Variants in RFX3 observed in about 807,000 individuals in gnomAD.
RFX3 encodes the protein regulatory factor X3, also known as transcription factor RFX3.
In RFX3, 14 loss-of-function variants were observed where a neutral mutation model predicts 98.6. That is an observed-to-expected ratio of 0.14 (90% CI 0.09 to 0.22). The LOEUF (loss-of-function observed/expected upper bound fraction) is 0.22. Among genes scored for constraint, RFX3 ranks in the 10% least tolerant of loss-of-function variants. RFX3 has a pLI of 1.00. For synonymous variants in RFX3, 383 were observed against 328.4 expected (o/e 1.17, Z -1.80); for missense variants, 639 against 926.9 (o/e 0.69, Z 4.03).
chr9:3,489,671 A>G (rs896618642), intron 1 of RFX3, among the ~76,000 whole-genome samples: 1 of 152,212 alleles, frequency 6.6e-6, no homozygotes, highest in Non-Finnish European at 1.5e-5. Context: ...CTATGAAAAT[A>G]TATGTGGCAT....
At chr9:3,325,479 T>C (rs1296146834) in intron 4 of RFX3, among the ~76,000 whole-genome samples, 1 of 152,226 alleles carries the variant, frequency 6.6e-6, no homozygotes, top group East Asian at 1.9e-4. Flanking sequence ...TTGTGCCTCT[T>C]GGCTGGGATC....
At chr9:3,228,201 A>G (rs982180903) in intron 16 of RFX3, among the ~76,000 whole-genome samples, 37 of 152,202 alleles carry the variant, frequency 2.4e-4, no homozygotes, top group African/African-American at 8.9e-4. Context: ...GGTGGGTAAG[A>G]TTTGTGTGCT....
At chr9:3,260,396 A>G (rs1279167123) in intron 13 of RFX3, among the ~76,000 whole-genome samples, 1 of 152,054 alleles carries the variant, frequency 6.6e-6, no homozygotes, top group African/African-American at 2.4e-5. Context: ...AATGCTTATA[A>G]CCAGGGAAGA....
intron 4 of RFX3, among the ~76,000 whole-genome samples, chr9:3,329,125 C>T (rs1832275204): frequency 6.6e-6 from 1 of 152,048 alleles, no homozygotes; most frequent in Non-Finnish European, 1.5e-5. Context: ...ATTGTGTTGG[C>T]CGGGCTCAGT....
chr9:3,288,920 C>A (rs1349630841), intron 6 of RFX3, among the ~76,000 whole-genome samples: 1 of 151,928 alleles, frequency 6.6e-6, no homozygotes, highest in African/African-American at 2.4e-5. Flanking sequence ...GGATTTGTCA[C>A]AGAAGAGATG....
At chr9:3,256,469 T>C (rs1024281847) in intron 14 of RFX3, among the ~76,000 whole-genome samples, 5 of 152,132 alleles carry the variant, frequency 3.3e-5, no homozygotes, top group Non-Finnish European at 7.4e-5. Flanking sequence ...TTTTAAAACA[T>C]AAATTGCTGG....
chr9:3,244,344 A>G (rs2130904626), intron 15 of RFX3, among the ~76,000 whole-genome samples: 1 of 152,298 alleles, frequency 6.6e-6, no homozygotes, highest in South Asian at 2.1e-4. Context: ...TAATAATAGT[A>G]TCCACTTATA....
At chr9:3,355,600 G>T (rs146675000) in intron 2 of RFX3, among the ~76,000 whole-genome samples, 1 of 151,796 alleles carries the variant, frequency 6.6e-6, no homozygotes, top group Non-Finnish European at 1.5e-5. Flanking sequence ...AGTTACAATT[G>T]GAGACTTCAG....
chr9:3,276,325 C>A (rs2131406991), intron 8 of RFX3, among the ~76,000 whole-genome samples: 1 of 152,220 alleles, frequency 6.6e-6, no homozygotes, highest in East Asian at 1.9e-4. Flanking sequence ...GCGTAATTTA[C>A]ATAGTAAGTC....
chr9:3,495,754 T>C (rs2133573995), intron 1 of RFX3, among the ~76,000 whole-genome samples: 1 of 152,196 alleles, frequency 6.6e-6, no homozygotes, highest in South Asian at 2.1e-4. Flanking sequence ...AATCTTAGGC[T>C]GGATTTACTC....
chr9:3,254,170 T>C (rs528838865), intron 14 of RFX3, among the ~76,000 whole-genome samples: 41 of 151,728 alleles, frequency 2.7e-4, no homozygotes, highest in Non-Finnish European at 2.1e-4. Flanking sequence ...GAACAAGAAA[T>C]ACAAGTAAGT....
chr9:3,391,027 A>G (rs1840260506), intron 2 of RFX3, among the ~76,000 whole-genome samples: 2 of 152,214 alleles, frequency 1.3e-5, no homozygotes, highest in South Asian at 4.1e-4. Flanking sequence ...CTTTATGTCA[A>G]AATCAACAAA....
intron 1 of RFX3, among the ~76,000 whole-genome samples, chr9:3,505,711 G>C (rs987944808): frequency 3.3e-5 from 5 of 150,956 alleles, no homozygotes; most frequent in African/African-American, 1.2e-4. Context: ...TTATCTGCAA[G>C]GTGTTCTTAA....
chr9:3,342,613 C>T (rs1834013685), intron 3 of RFX3, among the ~76,000 whole-genome samples: 1 of 151,586 alleles, frequency 6.6e-6, no homozygotes, highest in South Asian at 2.1e-4. Context: ...GATGTAGGAG[C>T]GAGTGGGGGA....
chr9:3,409,173 T>G (rs1222186186), intron 1 of RFX3, among the ~76,000 whole-genome samples: 2 of 152,232 alleles, frequency 1.3e-5, no homozygotes, highest in African/African-American at 4.8e-5. Flanking sequence ...TCAGAATCTA[T>G]TTACTTTAAA....
At chr9:3,272,792 T>G (rs1824675528) in intron 9 of RFX3, among the ~76,000 whole-genome samples, 1 of 152,166 alleles carries the variant, frequency 6.6e-6, no homozygotes, top group Non-Finnish European at 1.5e-5. Flanking sequence ...GCAACTTGTA[T>G]AAAAAGTTAC....
intron 1 of RFX3, among the ~76,000 whole-genome samples, chr9:3,504,903 T>TATATA (rs1816693069): frequency 3.8e-5 from 2 of 52,982 alleles, no homozygotes; most frequent in African/African-American, 2.2e-4. Context: ...ACATATATTA[T>TATATA]ATATATATAT....
intron 1 of RFX3, among the ~76,000 whole-genome samples, chr9:3,416,368 T>C (rs924679642): frequency 6.6e-6 from 1 of 152,186 alleles, no homozygotes; most frequent in East Asian, 1.9e-4. Context: ...CAGGTGTAAC[T>C]GACCTAAAGA....
chr9:3,243,144 G>C (rs1436486469), intron 15 of RFX3, among the ~76,000 whole-genome samples: 1 of 151,830 alleles, frequency 6.6e-6, no homozygotes, highest in Non-Finnish European at 1.5e-5. Context: ...AAAGCTTTAT[G>C]ATTTTTAAAA....
Sources: gnomAD v4.1 joint callset for allele counts (sites outside exome capture counted in the v4.1 genomes callset) on GRCh38, gnomAD v4.1.1 for gene constraint, MANE v1.5 for transcripts, NCBI Gene and HGNC (gene_info 2026-07-23, HGNC 2026-07-21) for gene names.